Variants in PDGFC observed in about 807,000 individuals in gnomAD.
The protein encoded by PDGFC is platelet derived growth factor C.
Under a neutral mutation model 35.5 loss-of-function variants are expected in PDGFC, and 12 were observed. The ratio of observed to expected loss-of-function variants is 0.34; its 90% CI spans 0.22 to 0.55. The LOEUF is 0.55. Among genes scored for constraint, PDGFC ranks in the 20% least tolerant of loss-of-function variants. The pLI, the probability that PDGFC is intolerant of heterozygous loss-of-function variation, is 0.91. For synonymous variants in PDGFC, 159 were observed against 148.8 expected (o/e 1.07, Z -0.50); for missense variants, 322 against 412.4 (o/e 0.78, Z 1.90).
At position 156,762,124 on chromosome 4, in the gene PDGFC, A is replaced by C. The variant is rs558252792; in HGVS notation, c.*966T>G. On this transcript the variant is annotated 3_prime_UTR_variant, in exon 6 of 6. Transcript: ENST00000502773. ...CAATTCTATTCCAATTCAGTTTTTT[A>C]AAATGCAGATTAATCTAACTCTAGC... The C allele has an allele frequency of 6.6e-6, 1 of 152,644 alleles. No individual in the cohort carries two copies. Among genetic ancestry groups the C allele is most frequent in the East Asian group, 1.9e-4 (1 of 5,198 alleles). The allele number at this position is 152,644 out of a possible 1,614,324, so 9.5% of individuals were successfully genotyped here.
At chr4:156,911,290 C>G (rs1579094332) in intron 1 of PDGFC, among the ~76,000 whole-genome samples, 1 of 152,106 alleles carries the variant, frequency 6.6e-6, no homozygotes, top group South Asian at 2.1e-4. Flanking sequence ...TTTAAACATA[C>G]ATATGTATCA....
chr4:156,970,292 C>G (rs371327029), intron 1 of PDGFC, among the ~76,000 whole-genome samples: 86 of 152,248 alleles, frequency 5.6e-4, no homozygotes, highest in Middle Eastern at 3.4e-3. Context: ...TAAAAACGAC[C>G]ACACAGCCTC....
rs555503133 is a variant in PDGFC, at chr4:156,836,372, A to T, written c.314+13849T>A. Among the ~76,000 whole-genome samples, 10 of 152,334 alleles carry T rather than the reference A, an allele frequency of 6.6e-5. No homozygotes were observed. In the East Asian group the frequency reaches 7.7e-4, roughly 12 times the overall value. ...TAAGGTTTTCCCCTTGATTTAACTTAAAAAAGTTACATTTAAATGAGGATC... is the reference window on the plus strand; with the variant it reads ...TAAGGTTTTCCCCTTGATTTAACTTTAAAAAGTTACATTTAAATGAGGATC... On this transcript the variant is annotated intron_variant, in intron 2 of 5. Coordinates refer to ENST00000502773, the MANE Select transcript of PDGFC (RefSeq NM_016205.3).
In PDGFC at chr4:156,830,454, T is replaced by C. The variant is rs189817247; in HGVS notation, c.315-19437A>G. Among the ~76,000 whole-genome samples, 327 of 152,270 alleles carry C rather than the reference T, an allele frequency of 2.1e-3. 1 individual carries two copies. The highest frequency in any genetic ancestry group is 7.6e-3 in the African/African-American group (316 of 41,554). Reference sequence around the variant, plus strand: ...TCTGATGAAACACAACTTTCCATTCTCCATGTGGACCTACAGGCAACTGAG... The same window carrying C: ...TCTGATGAAACACAACTTTCCATTCCCCATGTGGACCTACAGGCAACTGAG... On this transcript the variant is annotated intron_variant, in intron 2 of 5. Transcript: ENST00000502773.
At chr4:156,877,937 C>T (rs1011722801) in intron 1 of PDGFC, among the ~76,000 whole-genome samples, 8 of 152,132 alleles carry the variant, frequency 5.3e-5, no homozygotes, top group African/African-American at 1.7e-4. Context: ...TTCTAATATG[C>T]TCTCCTAACA....
chr4:156,846,377 T>C (rs981167890), intron 2 of PDGFC, among the ~76,000 whole-genome samples: 4 of 151,640 alleles, frequency 2.6e-5, no homozygotes, highest in African/African-American at 9.7e-5. Flanking sequence ...TATGAAGAAA[T>C]ATGCAGATAA....
At chr4:156,866,651 T>C (rs1729850510) in intron 1 of PDGFC, among the ~76,000 whole-genome samples, 1 of 152,142 alleles carries the variant, frequency 6.6e-6, no homozygotes, top group Admixed American at 6.6e-5. Flanking sequence ...CATTTCATCC[T>C]GAAACTTTGT....
intron 1 of PDGFC, among the ~76,000 whole-genome samples, chr4:156,862,839 C>T (rs1417318838): frequency 1.3e-5 from 2 of 151,900 alleles, no homozygotes; most frequent in East Asian, 3.9e-4. Context: ...GGATTACAGG[C>T]ACCTGCCACC....
intron 1 of PDGFC, among the ~76,000 whole-genome samples, chr4:156,904,480 C>T (rs903132311): frequency 1.3e-5 from 2 of 152,056 alleles, no homozygotes; most frequent in African/African-American, 4.8e-5. Context: ...ATTTATCTTT[C>T]ACATAATAAA....
chr4:156,962,480 T>C (rs1399516818), intron 1 of PDGFC, among the ~76,000 whole-genome samples: 7 of 152,120 alleles, frequency 4.6e-5, no homozygotes. Flanking sequence ...ACAAAACTAA[T>C]AGACCATGAA....
At chr4:156,968,404 T>C (rs1474290640) in intron 1 of PDGFC, among the ~76,000 whole-genome samples, 1 of 152,166 alleles carries the variant, frequency 6.6e-6, no homozygotes, top group African/African-American at 2.4e-5. Flanking sequence ...TTTACAGGAC[T>C]GTACAACTGT....
intron 1 of PDGFC, among the ~76,000 whole-genome samples, chr4:156,880,850 TGAG>T (rs1316242558): frequency 6.6e-6 from 1 of 152,142 alleles, no homozygotes; most frequent in East Asian, 1.9e-4. Context: ...TGAGGAGTTG[TGAG>T]GAGTTGTTTT....
chr4:156,779,064 T>C, intron 3 of PDGFC: 1 of 447,534 alleles, frequency 2.2e-6, no homozygotes, highest in South Asian at 1.6e-5. Flanking sequence ...AATGTCAAAC[T>C]GATATATTGT....
At chr4:156,858,408 A>G (rs1579059815) in intron 1 of PDGFC, among the ~76,000 whole-genome samples, 2 of 152,222 alleles carry the variant, frequency 1.3e-5, no homozygotes, top group Non-Finnish European at 2.9e-5. Context: ...TACACACAGA[A>G]TCTCCTCAAA....
intron 2 of PDGFC, among the ~76,000 whole-genome samples, chr4:156,843,179 T>C (rs1177089839): frequency 1.3e-5 from 2 of 152,080 alleles, no homozygotes; most frequent in South Asian, 2.1e-4. Context: ...AGCAGTCTTA[T>C]AGAAGAGGCC....
chr4:156,904,505 C>G (rs192334414), intron 1 of PDGFC, among the ~76,000 whole-genome samples: 84 of 152,126 alleles, frequency 5.5e-4, no homozygotes, highest in African/African-American at 2.0e-3. Context: ...GCCTTCATTT[C>G]TCTATTGCTC....
intron 1 of PDGFC, among the ~76,000 whole-genome samples, chr4:156,854,553 C>A (rs1401182631): frequency 2.6e-5 from 4 of 152,016 alleles, no homozygotes; most frequent in Non-Finnish European, 5.9e-5. Flanking sequence ...CCACCAAACA[C>A]TTATGATTTG....
intron 1 of PDGFC, among the ~76,000 whole-genome samples, chr4:156,891,596 A>C (rs1218413101): frequency 6.6e-6 from 1 of 152,212 alleles, no homozygotes; most frequent in Non-Finnish European, 1.5e-5. Flanking sequence ...AAGTCTTAGG[A>C]AGTGCTTTGA....
chr4:156,941,351 A>T (rs772232831), intron 1 of PDGFC, among the ~76,000 whole-genome samples: 1 of 152,192 alleles, frequency 6.6e-6, no homozygotes, highest in East Asian at 1.9e-4. Flanking sequence ...ATCCTCTTAC[A>T]AATGAGAAAC....
Sources: gnomAD v4.1 joint callset for allele counts (sites outside exome capture counted in the v4.1 genomes callset) on GRCh38, gnomAD v4.1.1 for gene constraint, MANE v1.5 for transcripts, NCBI Gene and HGNC (gene_info 2026-07-23, HGNC 2026-07-21) for gene names.